Variants in SHANK2 observed in about 807,000 individuals in gnomAD.
The protein encoded by SHANK2 is SH3 and multiple ankyrin repeat domains 2.
Under a neutral mutation model 133.7 loss-of-function variants are expected in SHANK2, and 43 were observed. The ratio of observed to expected loss-of-function variants is 0.32; its 90% CI spans 0.25 to 0.41. The LOEUF (loss-of-function observed/expected upper bound fraction) is 0.41. Among genes scored for constraint, SHANK2 ranks in the 10% least tolerant of loss-of-function variants. The pLI is 1.00. For synonymous variants in SHANK2, 1,017 were observed against 952.8 expected, an observed-to-expected ratio of 1.07 and a Z score of -1.24; for missense variants, 1,994 against 2,235.8, an observed-to-expected ratio of 0.89 and a Z score of 2.18.
chr11:70,847,981 C>A (rs1949022353), intron 11 of SHANK2, among the ~76,000 whole-genome samples: 2 of 152,226 alleles, frequency 1.3e-5, no homozygotes, highest in Admixed American at 1.3e-4. Context: ...CTGGAGGGGA[C>A]CAGCCAGCTG....
At chr11:71,170,277 T>A (rs898543713) in intron 2 of SHANK2, among the ~76,000 whole-genome samples, 7 of 152,226 alleles carry the variant, frequency 4.6e-5, no homozygotes, top group Non-Finnish European at 1.0e-4. Context: ...GAACACAGAT[T>A]GTGCAAAATG....
intron 17 of SHANK2, among the ~76,000 whole-genome samples, chr11:70,538,353 G>A (rs2059571128): frequency 6.6e-6 from 1 of 152,250 alleles, no homozygotes; most frequent in African/African-American, 2.4e-5. Flanking sequence ...TTGTCCCGAG[G>A]GGCTTGGCCA....
intron 6 of SHANK2, among the ~76,000 whole-genome samples, chr11:71,096,134 G>C (rs1242072919): frequency 6.6e-6 from 1 of 152,182 alleles, no homozygotes; most frequent in Non-Finnish European, 1.5e-5. Context: ...CATGTGAAAA[G>C]CAGGCTTCCT....
chr11:70,538,546 TG>T (rs2059573471), intron 17 of SHANK2, among the ~76,000 whole-genome samples: 2 of 152,212 alleles, frequency 1.3e-5, no homozygotes, highest in Admixed American at 1.3e-4. Context: ...TGCAGTGTCC[TG>T]GCCCTTGGTC....
At chr11:70,537,871 C>T (rs575552443) in intron 17 of SHANK2, among the ~76,000 whole-genome samples, 1 of 152,300 alleles carries the variant, frequency 6.6e-6, no homozygotes, top group Admixed American at 6.5e-5. Context: ...GTCACAGAGG[C>T]CCGTGGGGGG....
chr11:71,136,576 T>G (rs528045399), intron 3 of SHANK2, among the ~76,000 whole-genome samples: 60 of 152,340 alleles, frequency 3.9e-4, no homozygotes, highest in African/African-American at 1.2e-3. Context: ...TTTACCTCTA[T>G]GCAACATTCC....
At chr11:70,730,999 A>G (rs782688198) in intron 14 of SHANK2, among the ~76,000 whole-genome samples, 1 of 152,156 alleles carries the variant, frequency 6.6e-6, no homozygotes, top group African/African-American at 2.4e-5. Flanking sequence ...CCCATGAAGC[A>G]GTCACTCCAT....
chr11:70,933,929 A>AT lies in SHANK2; in HGVS notation c.1108-37363_1108-37362insA, dbSNP rs1565414249. On this transcript the variant is annotated intron_variant, in intron 10 of 25. Coordinates refer to ENST00000601538, the MANE Select transcript of SHANK2 (RefSeq NM_012309.5). ...AAAAAAAAAAACAAAAAACAAACAA[A>AT]CAAACAAACAAAACAACAACAGCTG... is the stretch of plus-strand genomic sequence containing the variant. Among the ~76,000 whole-genome samples, 52 of 150,092 alleles carry AT rather than the reference A, an allele frequency of 3.5e-4. 1 individual carries two copies. The East Asian group carries it at 5.3e-3, about 15-fold the overall frequency.
At chr11:70,803,969 C>A (rs914483456) in intron 13 of SHANK2, among the ~76,000 whole-genome samples, 10 of 152,108 alleles carry the variant, frequency 6.6e-5, no homozygotes, top group Non-Finnish European at 1.0e-4. Context: ...CCAAATGGGA[C>A]CGAGCGGAGG....
At chr11:70,952,779 G>A (rs1211815482) in intron 10 of SHANK2, 3 of 274,008 alleles carry the variant, frequency 1.1e-5, no homozygotes, top group Admixed American at 9.6e-5. Context: ...AGAAGTGTGG[G>A]AACTGACACC....
At chr11:70,504,380 G>GTGCCTGGCTCACCATACTGTT (rs1565078902) in intron 17 of SHANK2, among the ~76,000 whole-genome samples, 1 of 151,846 alleles carries the variant, frequency 6.6e-6, no homozygotes, top group South Asian at 2.1e-4. Flanking sequence ...GACAGGCCCA[G>GTGCCTGGCTCACCATACTGTT]GATGTGCCAG....
At chr11:70,788,421 A>T (rs904947886) in intron 14 of SHANK2, among the ~76,000 whole-genome samples, 9 of 152,220 alleles carry the variant, frequency 5.9e-5, no homozygotes, top group Non-Finnish European at 1.2e-4. Flanking sequence ...ATTGCATGCC[A>T]TTCTGAGTAG....
intron 14 of SHANK2, among the ~76,000 whole-genome samples, chr11:70,764,042 T>G (rs1233616326): frequency 6.6e-6 from 1 of 152,002 alleles, no homozygotes; most frequent in Non-Finnish European, 1.5e-5. Context: ...ATCTGATTAT[T>G]AAGTCATCCA....
chr11:70,664,393 G>A (rs1944640779), intron 15 of SHANK2, among the ~76,000 whole-genome samples: 1 of 152,204 alleles, frequency 6.6e-6, no homozygotes, highest in Non-Finnish European at 1.5e-5. Flanking sequence ...GGCCAAGGCT[G>A]CCAAAGCCAA....
chr11:70,592,212 G>A (rs546603046), intron 17 of SHANK2, among the ~76,000 whole-genome samples: 4 of 152,182 alleles, frequency 2.6e-5, no homozygotes, highest in African/African-American at 7.2e-5. Context: ...TACCTGCTCC[G>A]TCTTCCCTCT....
intron 11 of SHANK2, among the ~76,000 whole-genome samples, chr11:70,861,522 A>G (rs1477803647): frequency 6.6e-6 from 1 of 152,226 alleles, no homozygotes; most frequent in African/African-American, 2.4e-5. Context: ...CAAAATTCCC[A>G]TCAAAAGTCT....
intron 17 of SHANK2, among the ~76,000 whole-genome samples, chr11:70,636,738 AT>A (rs2061102500): frequency 1.3e-5 from 1 of 76,414 alleles, no homozygotes; most frequent in Non-Finnish European, 3.5e-5. Context: ...ATGTGTGAAT[AT>A]GTGTGAGCAT....
chr11:70,617,281 A>G (rs2060759905), intron 17 of SHANK2, among the ~76,000 whole-genome samples: 1 of 149,690 alleles, frequency 6.7e-6, no homozygotes, highest in Admixed American at 6.7e-5. Flanking sequence ...ATGATGGTGT[A>G]TGTTTGTCAG....
At chr11:70,659,752 C>G in intron 17 of SHANK2, 76 bp downstream of exon 17, 1 of 1,587,294 alleles carries the variant, frequency 6.3e-7, no homozygotes, top group South Asian at 1.1e-5. Flanking sequence ...CGTGGCTGTG[C>G]TGCCAGGACT....
Sources: gnomAD v4.1 joint callset for allele counts (sites outside exome capture counted in the v4.1 genomes callset) on GRCh38, gnomAD v4.1.1 for gene constraint, MANE v1.5 for transcripts, NCBI Gene and HGNC (gene_info 2026-07-23, HGNC 2026-07-21) for gene names.